JAK2: variants seen among roughly 807,000 people sequenced by gnomAD.
JAK2 encodes Janus kinase 2.
A neutral mutation model predicts 139.3 loss-of-function variants in JAK2; 86 were observed. That is an observed-to-expected ratio of 0.62 (90% CI 0.52 to 0.74). The LOEUF (loss-of-function observed/expected upper bound fraction) is 0.74, where lower values mean the gene tolerates loss of function less well. Among genes scored for constraint, JAK2 ranks in the 30% least tolerant of loss-of-function variants. The pLI is 0.00. For synonymous variants in JAK2, 490 were observed against 437.7 expected (o/e 1.12, Z -1.49); for missense variants, 1,421 against 1,360.3 (o/e 1.04, Z -0.70).
chr9:4,992,113 G>C (rs187285804), intron 2 of JAK2, among the ~76,000 whole-genome samples: 12 of 152,280 alleles, frequency 7.9e-5, no homozygotes, highest in Admixed American at 7.2e-4. Flanking sequence ...TGCCAGCCAG[G>C]GGTGACTTGA....
chr9:5,104,284 A>G (rs1160858784), intron 22 of JAK2, among the ~76,000 whole-genome samples: 2 of 152,220 alleles, frequency 1.3e-5, no homozygotes, highest in Non-Finnish European at 2.9e-5. Context: ...TACTATTAAC[A>G]CCTCTACACA....
At chr9:4,988,611 A>G (rs780125808) in intron 2 of JAK2, among the ~76,000 whole-genome samples, 7 of 152,254 alleles carry the variant, frequency 4.6e-5, no homozygotes, top group Non-Finnish European at 7.3e-5. Flanking sequence ...ATATAAAGCT[A>G]GTACCAGCTG....
chr9:5,114,098 C>A, intron 22 of JAK2: 1 of 342,576 alleles, frequency 2.9e-6, no homozygotes, highest in East Asian at 7.2e-5. Flanking sequence ...GCTGGCTGCC[C>A]GACCACACCT....
In JAK2 at chr9:5,127,168, CCACAGTGGATGTATAA is replaced by C. The variant is rs1375101891; in HGVS notation, c.*378_*393del. On this transcript the variant is annotated 3_prime_UTR_variant, in exon 25 of 25. Transcript: ENST00000381652. ...ACAGAATATGTATGTATAGTTTTTA[CCACAGTGGATGTATAA>C]TACCTTGGCATCTTGTGTGATGTTT... 1 of 241,052 alleles carries C rather than the reference CCACAGTGGATGTATAA, an allele frequency of 4.1e-6. No homozygotes were observed. The highest frequency in any genetic ancestry group is 8.1e-6 in the Non-Finnish European group (1 of 123,062). The allele number at this position is 241,052 out of a possible 1,614,324, so 14.9% of individuals were successfully genotyped here. A position where few individuals can be genotyped will look rare whatever the true frequency, so the allele number is the denominator to read the frequency against.
intron 23 of JAK2, among the ~76,000 whole-genome samples, chr9:5,124,177 A>T (rs1011774701): frequency 2.6e-5 from 4 of 151,762 alleles, no homozygotes; most frequent in South Asian, 2.1e-4. Flanking sequence ...CATTCTGTTG[A>T]TTATTGATTT....
At chr9:5,057,793 G>C (rs963875344) in intron 8 of JAK2, among the ~76,000 whole-genome samples, 1 of 151,904 alleles carries the variant, frequency 6.6e-6, no homozygotes, top group Non-Finnish European at 1.5e-5. Flanking sequence ...ATGTTGGCCA[G>C]GTTGGTCTTG....
At chr9:5,075,428 CATTG>C (rs527982260) in intron 14 of JAK2, among the ~76,000 whole-genome samples, 192 of 152,302 alleles carry the variant, frequency 1.3e-3, no homozygotes, top group Middle Eastern at 3.4e-3. Context: ...GGGCCAATGC[CATTG>C]GTGATTTGAA....
chr9:5,096,012 A>G (rs1171032130), intron 22 of JAK2, among the ~76,000 whole-genome samples: 1 of 152,198 alleles, frequency 6.6e-6, no homozygotes, highest in Non-Finnish European at 1.5e-5. Context: ...TTCTGCCTGA[A>G]TGAGTCATCA....
At chr9:5,020,303 C>A (rs1822332364) in intron 2 of JAK2, among the ~76,000 whole-genome samples, 1 of 152,160 alleles carries the variant, frequency 6.6e-6, no homozygotes, top group Admixed American at 6.5e-5. Context: ...TCAGTTGACA[C>A]TGGACGTGGA....
At position 5,080,293 on chromosome 9, in the gene JAK2, G is replaced by C. The variant is rs145273013; in HGVS notation, c.2196G>C (p.Leu732Phe). The stretch of plus-strand genomic sequence containing the variant: ...TTGAAAATCCTAAAAATTTAAATTT[G>C]GCAACAGACAAATGGAGTTTTGGTA... The part of the protein sequence containing the change: ...ECIENPKNLN[L>F]ATDKWSFGTT... The change falls in exon 17 of 25, where the codon TTG (leucine) becomes TTC (phenylalanine). Residue 732 changes from leucine (L) to phenylalanine (F), a missense_variant. Leu to Phe is a conservative substitution (Grantham distance 22). Transcript: ENST00000381652. 251 of 1,613,414 alleles carry C rather than the reference G, an allele frequency of 1.6e-4. No individual in the cohort carries two copies. Among genetic ancestry groups the C allele is most frequent in the Non-Finnish European group, 2.1e-4 (250 of 1,179,602 alleles).
intron 22 of JAK2, chr9:5,099,942 A>C (rs964283494): frequency 6.6e-6 from 1 of 152,220 alleles, no homozygotes; most frequent in Non-Finnish European, 1.5e-5. Context: ...CTGGCTTTTT[A>C]CCACAAGGCA....
chr9:4,996,268 G>C (rs995575264), intron 2 of JAK2, among the ~76,000 whole-genome samples: 3 of 152,178 alleles, frequency 2.0e-5, no homozygotes, highest in Admixed American at 6.5e-5. Context: ...GACTAACATG[G>C]TGAAACCCTG....
At position 5,127,749 on chromosome 9, in the gene JAK2, T is replaced by G. The variant is rs760162707; in HGVS notation, c.*958T>G. 1 of 232,630 alleles carries G rather than the reference T, an allele frequency of 4.3e-6. No homozygotes were observed. The highest frequency in any genetic ancestry group is 8.5e-6 in the Non-Finnish European group (1 of 117,282). The allele number at this position is 232,630 out of a possible 1,614,324, so 14.4% of individuals were successfully genotyped here. On this transcript the variant is annotated 3_prime_UTR_variant, in exon 25 of 25. Coordinates refer to ENST00000381652, the MANE Select transcript of JAK2 (RefSeq NM_004972.4). The stretch of plus-strand genomic sequence containing the variant: ...TTAAGCCATAAAATAGATTAGATTG[T>G]TTTTTAAAAATGGATAGCTCATTAA...
intron 21 of JAK2, 44 bp downstream of exon 21, chr9:5,090,614 T>G: frequency 6.5e-7 from 1 of 1,547,930 alleles, no homozygotes. Context: ...AGCAACCGTG[T>G]TGAAGTAGAC....
intron 4 of JAK2, among the ~76,000 whole-genome samples, chr9:5,037,192 A>G (rs1439082870): frequency 6.6e-6 from 1 of 152,190 alleles, no homozygotes; most frequent in East Asian, 1.9e-4. Context: ...GCGATCATTA[A>G]AAAGTCAGGA....
intron 2 of JAK2, among the ~76,000 whole-genome samples, chr9:4,997,785 G>C (rs150231607): frequency 3.3e-5 from 5 of 152,328 alleles, no homozygotes; most frequent in African/African-American, 1.2e-4. Context: ...AATAGTGCAT[G>C]ATAGTATAAG....
At chr9:5,120,890 GT>G (rs1279127033) in intron 22 of JAK2, among the ~76,000 whole-genome samples, 1 of 152,192 alleles carries the variant, frequency 6.6e-6, no homozygotes, top group Non-Finnish European at 1.5e-5. Flanking sequence ...TAATCAGCAA[GT>G]TTTGGAAAGA....
At chr9:5,082,002 ATGCTGTGT>A in intron 19 of JAK2, 141 bp downstream of exon 19, 1 of 694,716 alleles carries the variant, frequency 1.4e-6, no homozygotes. Flanking sequence ...TGTTGGAGAA[ATGCTGTGT>A]TAAATAAACA....
chr9:5,091,084 C>T (rs991068264), intron 22 of JAK2, 173 bp downstream of exon 22: 23 of 489,444 alleles, frequency 4.7e-5, no homozygotes, highest in Non-Finnish European at 6.8e-5. Context: ...TTATAGTCCA[C>T]GTGGGAAAAT....
Sources: allele counts gnomAD v4.1 joint callset (sites outside exome capture counted in the v4.1 genomes callset), GRCh38; gene constraint gnomAD v4.1.1; transcripts MANE v1.5; gene names NCBI Gene and HGNC (gene_info 2026-07-23, HGNC 2026-07-21).